NKAIN2: variants seen among roughly 807,000 people sequenced by gnomAD.
The protein encoded by NKAIN2 is sodium/potassium-transporting ATPase subunit beta-1-interacting protein 2.
In NKAIN2, 14 loss-of-function variants were observed where a neutral mutation model predicts 32.6. That is an observed-to-expected ratio of 0.43 (90% CI 0.28 to 0.67). NKAIN2 has a LOEUF of 0.67. Ranked by LOEUF, NKAIN2 falls within the 30% of genes least tolerant of loss-of-function variation. The pLI, the probability that NKAIN2 is intolerant of heterozygous loss-of-function variation, is 0.17. For synonymous variants in NKAIN2, 80 were observed against 87.2 expected (o/e 0.92, Z 0.46); for missense variants, 198 against 258.3 (o/e 0.77, Z 1.60).
intron 3 of NKAIN2, among the ~76,000 whole-genome samples, chr6:124,573,487 G>A (rs1481807875): frequency 6.6e-6 from 1 of 150,814 alleles, no homozygotes; most frequent in Non-Finnish European, 1.5e-5. Flanking sequence ...CTTTTTCTGG[G>A]TATTTTAAGT....
intron 1 of NKAIN2, among the ~76,000 whole-genome samples, chr6:124,049,264 C>G (rs1161532774): frequency 6.6e-6 from 1 of 151,886 alleles, no homozygotes; most frequent in Non-Finnish European, 1.5e-5. Context: ...AAAATAAATA[C>G]TAAATGATTA....
chr6:123,948,305 A>T (rs1404574759), intron 1 of NKAIN2, among the ~76,000 whole-genome samples: 1 of 152,056 alleles, frequency 6.6e-6, no homozygotes, highest in Non-Finnish European at 1.5e-5. Context: ...TAGCTGAATC[A>T]TATGGTAGTT....
At chr6:123,807,676 CTT>C (rs968508308) in intron 1 of NKAIN2, among the ~76,000 whole-genome samples, 1 of 151,998 alleles carries the variant, frequency 6.6e-6, no homozygotes, top group Non-Finnish European at 1.5e-5. Flanking sequence ...AAGAATATAA[CTT>C]AATTTAGACT....
In NKAIN2 at chr6:124,825,279, T is replaced by C. The variant is rs1781542633; in HGVS notation, c.*2050T>C. The C allele has an allele frequency of 1.3e-5, 2 of 152,602 alleles. No individual in the cohort carries two copies. The allele number at this position is 152,602 out of a possible 1,614,324, so 9.5% of individuals were successfully genotyped here. On this transcript the variant is annotated 3_prime_UTR_variant, in exon 7 of 7. Coordinates refer to ENST00000368417, the MANE Select transcript of NKAIN2 (RefSeq NM_001040214.3). ...TAAACCCTCATATTCCTGCTTTAAG[T>C]TACAGCCAAGTTTTCACCAAATCAC...
At chr6:124,795,739 C>A (rs989147060) in intron 5 of NKAIN2, among the ~76,000 whole-genome samples, 15 of 152,028 alleles carry the variant, frequency 9.9e-5, no homozygotes, top group Non-Finnish European at 1.6e-4. Context: ...CTTGCTGTAG[C>A]CTCACATGTG....
intron 4 of NKAIN2, among the ~76,000 whole-genome samples, chr6:124,764,570 A>T (rs1778425410): frequency 6.6e-6 from 1 of 152,136 alleles, no homozygotes; most frequent in Admixed American, 6.6e-5. Context: ...ACTTAGAAGG[A>T]GTCTATAGTA....
chr6:124,499,585 C>G (rs933549980), intron 3 of NKAIN2, among the ~76,000 whole-genome samples: 1 of 152,194 alleles, frequency 6.6e-6, no homozygotes, highest in African/African-American at 2.4e-5. Flanking sequence ...AAGGGTAGAA[C>G]CACTCAACTA....
At chr6:124,244,518 G>A (rs1441694975) in intron 1 of NKAIN2, among the ~76,000 whole-genome samples, 1 of 151,768 alleles carries the variant, frequency 6.6e-6, no homozygotes, top group Admixed American at 6.6e-5. Context: ...GCTTAAGTCA[G>A]CCGACCAATC....
intron 3 of NKAIN2, among the ~76,000 whole-genome samples, chr6:124,607,782 A>T (rs193240924): frequency 3.0e-4 from 46 of 152,246 alleles, no homozygotes; most frequent in African/African-American, 1.1e-3. Flanking sequence ...TACAAAAATG[A>T]TATGTATTCA....
At chr6:124,462,765 T>C (rs938311698) in intron 3 of NKAIN2, among the ~76,000 whole-genome samples, 11 of 152,072 alleles carry the variant, frequency 7.2e-5, no homozygotes, top group Non-Finnish European at 1.5e-4. Flanking sequence ...ACAACGTTTT[T>C]ATATGTACTT....
At chr6:124,443,644 A>T (rs1046422332) in intron 3 of NKAIN2, among the ~76,000 whole-genome samples, 1 of 152,118 alleles carries the variant, frequency 6.6e-6, no homozygotes, top group Non-Finnish European at 1.5e-5. Context: ...TATTCCTTAC[A>T]GGGTGAGATA....
chr6:124,181,598 C>T (rs1345463277), intron 1 of NKAIN2, among the ~76,000 whole-genome samples: 1 of 152,142 alleles, frequency 6.6e-6, no homozygotes, highest in Non-Finnish European at 1.5e-5. Flanking sequence ...GAATGCTTTG[C>T]TGCTTAGAAA....
At chr6:124,765,215 T>G (rs1376795524) in intron 4 of NKAIN2, among the ~76,000 whole-genome samples, 2 of 152,208 alleles carry the variant, frequency 1.3e-5, no homozygotes, top group Non-Finnish European at 2.9e-5. Context: ...CAAAGCATGT[T>G]GCAGTGGAAG....
At chr6:124,590,324 A>G (rs543459175) in intron 3 of NKAIN2, among the ~76,000 whole-genome samples, 1 of 152,150 alleles carries the variant, frequency 6.6e-6, no homozygotes, top group Non-Finnish European at 1.5e-5. Flanking sequence ...TGGATGAATG[A>G]TGTGTCAAGT....
intron 1 of NKAIN2, among the ~76,000 whole-genome samples, chr6:124,121,401 A>G (rs1785873559): frequency 6.6e-6 from 1 of 152,064 alleles, no homozygotes. Context: ...ATATATATTT[A>G]TAGTATATAG....
At chr6:124,013,981 T>C (rs1780456003) in intron 1 of NKAIN2, among the ~76,000 whole-genome samples, 1 of 152,178 alleles carries the variant, frequency 6.6e-6, no homozygotes, top group Non-Finnish European at 1.5e-5. Context: ...GGGTGATTAC[T>C]GAACTTCTGA....
At chr6:124,136,907 A>G (rs1023246619) in intron 1 of NKAIN2, among the ~76,000 whole-genome samples, 1 of 152,138 alleles carries the variant, frequency 6.6e-6, no homozygotes. Context: ...CTAATATCAT[A>G]CTGAATGGGA....
intron 5 of NKAIN2, among the ~76,000 whole-genome samples, chr6:124,812,903 C>T (rs1780967688): frequency 6.6e-6 from 1 of 152,120 alleles, no homozygotes; most frequent in African/African-American, 2.4e-5. Context: ...TTTCCTTCCT[C>T]ATTCTCCTAA....
intron 3 of NKAIN2, among the ~76,000 whole-genome samples, chr6:124,478,739 G>A (rs1777331511): frequency 4.6e-5 from 7 of 152,180 alleles, no homozygotes. Context: ...CTGTGCAGCA[G>A]TATTCCAAAT....
Sources: allele counts gnomAD v4.1 joint callset (sites outside exome capture counted in the v4.1 genomes callset), GRCh38; gene constraint gnomAD v4.1.1; transcripts MANE v1.5; gene names NCBI Gene and HGNC (gene_info 2026-07-23, HGNC 2026-07-21).